AUTS2: variants seen among roughly 807,000 people sequenced by gnomAD.
AUTS2 encodes the protein activator of transcription and developmental regulator AUTS2, also known as autism susceptibility gene 2 protein.
Under a neutral mutation model 112.4 loss-of-function variants are expected in AUTS2, and 17 were observed. That is an observed-to-expected ratio of 0.15 (90% CI 0.10 to 0.23). The LOEUF is 0.23. Among genes scored for constraint, AUTS2 ranks in the 10% least tolerant of loss-of-function variants. The pLI, the probability that AUTS2 is intolerant of heterozygous loss-of-function variation, is 1.00. For synonymous variants in AUTS2, 751 were observed against 702.7 expected, an observed-to-expected ratio of 1.07 and a Z score of -1.09; for missense variants, 1,510 against 1,701.6, an observed-to-expected ratio of 0.89 and a Z score of 1.98.
intron 2 of AUTS2, among the ~76,000 whole-genome samples, chr7:70,066,019 G>A (rs975661117): frequency 4.6e-5 from 7 of 152,124 alleles, no homozygotes; most frequent in Admixed American, 2.6e-4. Context: ...AAGAAATTAA[G>A]GCTTATAAGA....
Position 69,711,119 on chromosome 7 carries a change from A to C in AUTS2, c.309+111157A>C, listed in dbSNP as rs544581744. Reference sequence around the variant, plus strand: ...TGGGCAGATAGAAATCAGTATTTAAAGTATGATTGAGGTTTTTGTGTTTAT... The same window carrying C: ...TGGGCAGATAGAAATCAGTATTTAACGTATGATTGAGGTTTTTGTGTTTAT... On this transcript the variant is annotated intron_variant, in intron 1 of 18. Coordinates refer to ENST00000342771, the MANE Select transcript of AUTS2 (RefSeq NM_015570.4). Among the ~76,000 whole-genome samples the C allele has an allele frequency of 3.9e-5, 6 of 152,326 alleles. No homozygotes were observed. In the East Asian group the frequency reaches 1.2e-3, roughly 29 times the overall value.
At chr7:70,188,191 G>T (rs1324332973) in intron 4 of AUTS2, among the ~76,000 whole-genome samples, 1 of 152,118 alleles carries the variant, frequency 6.6e-6, no homozygotes, top group Non-Finnish European at 1.5e-5. Context: ...TTGTTAATTG[G>T]GGTGGTACCT....
chr7:70,147,586 CAT>C (rs759085662), intron 4 of AUTS2, among the ~76,000 whole-genome samples: 4 of 152,074 alleles, frequency 2.6e-5, no homozygotes, highest in Non-Finnish European at 2.9e-5. Flanking sequence ...CCTTGAAGCA[CAT>C]GTTTTCCTAT....
chr7:70,350,800 G>T (rs1438229721), intron 4 of AUTS2, among the ~76,000 whole-genome samples: 2 of 152,026 alleles, frequency 1.3e-5, no homozygotes, highest in Non-Finnish European at 2.9e-5. Context: ...ATTAACTAGA[G>T]TCCTCCTGCC....
At chr7:69,967,650 G>C (rs576769294) in intron 2 of AUTS2, among the ~76,000 whole-genome samples, 39 of 152,118 alleles carry the variant, frequency 2.6e-4, no homozygotes, top group Non-Finnish European at 4.9e-4. Context: ...CTCAGCATCG[G>C]AAAGAAGCCT....
intron 5 of AUTS2, among the ~76,000 whole-genome samples, chr7:70,533,713 T>G (rs1800190826): frequency 6.6e-6 from 1 of 152,244 alleles, no homozygotes; most frequent in African/African-American, 2.4e-5. Flanking sequence ...GATGCAGACC[T>G]CATAGTCAGA....
At chr7:69,789,570 G>A (rs1423437780) in intron 1 of AUTS2, among the ~76,000 whole-genome samples, 2 of 152,194 alleles carry the variant, frequency 1.3e-5, no homozygotes, top group Non-Finnish European at 2.9e-5. Flanking sequence ...GCCTATAGGA[G>A]TGTTGTCAGA....
intron 4 of AUTS2, among the ~76,000 whole-genome samples, chr7:70,211,813 C>A: frequency 6.6e-6 from 1 of 151,616 alleles, no homozygotes; most frequent in East Asian, 2.0e-4. Context: ...GGTGAAATCC[C>A]GTCTCTACTA....
chr7:70,595,540 C>T (rs1585350271), intron 5 of AUTS2, among the ~76,000 whole-genome samples: 1 of 122,220 alleles, frequency 8.2e-6, no homozygotes, highest in South Asian at 2.3e-4. Flanking sequence ...GAGGGTGGAG[C>T]TCTCTGTAAG....
rs141550562 is a variant in AUTS2, at chr7:70,686,812, C to T, written c.691-11757C>T. Among the ~76,000 whole-genome samples the T allele has an allele frequency of 4.4e-3, 663 of 152,338 alleles. 3 individuals carry two copies. Among genetic ancestry groups the T allele is most frequent in the African/African-American group, 0.015 (637 of 41,578 alleles). On this transcript the variant is annotated intron_variant, in intron 5 of 18. Coordinates refer to ENST00000342771, the MANE Select transcript of AUTS2 (RefSeq NM_015570.4). The stretch of plus-strand genomic sequence containing the variant: ...TCTCCCAAAGTGCTAGGACCACGCA[C>T]ACGTGAGCCACTGCGCCAGACCCGA...
At chr7:70,548,482 C>T (rs1241555678) in intron 5 of AUTS2, among the ~76,000 whole-genome samples, 2 of 151,952 alleles carry the variant, frequency 1.3e-5, no homozygotes, top group African/African-American at 2.4e-5. Flanking sequence ...TATCTAAGAA[C>T]TCTTTGCCTA....
At chr7:69,681,122 G>A (rs928110768) in intron 1 of AUTS2, among the ~76,000 whole-genome samples, 1 of 152,184 alleles carries the variant, frequency 6.6e-6, no homozygotes, top group Non-Finnish European at 1.5e-5. Flanking sequence ...TCCATTGAAT[G>A]TATATACCAC....
intron 4 of AUTS2, among the ~76,000 whole-genome samples, chr7:70,168,934 G>C (rs901881323): frequency 1.3e-5 from 2 of 151,954 alleles, no homozygotes; most frequent in Non-Finnish European, 2.9e-5. Flanking sequence ...AACCCAGAAT[G>C]CTAGGTATTC....
At chr7:69,722,159 A>T (rs944604459) in intron 1 of AUTS2, among the ~76,000 whole-genome samples, 39 of 152,140 alleles carry the variant, frequency 2.6e-4, no homozygotes, top group Non-Finnish European at 3.7e-4. Flanking sequence ...GGCAAAAAAA[A>T]AAAAAATAAA....
intron 5 of AUTS2, among the ~76,000 whole-genome samples, chr7:70,586,891 C>T (rs894404508): frequency 6.6e-6 from 1 of 152,074 alleles, no homozygotes; most frequent in Non-Finnish European, 1.5e-5. Flanking sequence ...TTGCAGGAAA[C>T]AGGAAGGAGG....
chr7:70,770,548 TAGA>T (rs543308650), intron 10 of AUTS2, among the ~76,000 whole-genome samples: 130 of 152,402 alleles, frequency 8.5e-4, no homozygotes, highest in African/African-American at 3.0e-3. Flanking sequence ...ATTAAATTTT[TAGA>T]AGGAGGGAAA....
At chr7:69,604,426 G>C (rs1342306869) in intron 1 of AUTS2, among the ~76,000 whole-genome samples, 1 of 152,224 alleles carries the variant, frequency 6.6e-6, no homozygotes, top group Non-Finnish European at 1.5e-5. Flanking sequence ...AAAGTATGTA[G>C]TTTAGTTGAT....
chr7:70,641,883 T>C (rs1395751754), intron 5 of AUTS2, among the ~76,000 whole-genome samples: 1 of 152,254 alleles, frequency 6.6e-6, no homozygotes, highest in Non-Finnish European at 1.5e-5. Flanking sequence ...GTTGCACATG[T>C]GTTTGTTGCT....
intron 2 of AUTS2, among the ~76,000 whole-genome samples, chr7:70,004,314 T>A (rs1799421083): frequency 3.0e-5 from 4 of 134,944 alleles, no homozygotes; most frequent in African/African-American, 8.3e-5. Context: ...TGACTATATA[T>A]TATATATATA....
Sources: gnomAD v4.1 joint callset for allele counts (sites outside exome capture counted in the v4.1 genomes callset) on GRCh38, gnomAD v4.1.1 for gene constraint, MANE v1.5 for transcripts, NCBI Gene and HGNC (gene_info 2026-07-23, HGNC 2026-07-21) for gene names.